UBAP2: variants seen among roughly 807,000 people sequenced by gnomAD.
UBAP2 encodes ubiquitin-associated protein 2.
UBAP2 carries 75 observed loss-of-function variants against 139.6 expected under a neutral mutation model. The observed-to-expected ratio is 0.54, with a 90% CI of 0.45 to 0.65. The LOEUF (loss-of-function observed/expected upper bound fraction) is 0.65. UBAP2 is among the 30% of genes least tolerant of loss of function. UBAP2 has a pLI of 0.00. For synonymous variants in UBAP2, 526 were observed against 526.2 expected (o/e 1.00, Z 0.01); for missense variants, 1,368 against 1,369.6 (o/e 1.00, Z 0.02).
chr9:33,969,060 T>C (rs1301953748), intron 8 of UBAP2, among the ~76,000 whole-genome samples: 1 of 152,050 alleles, frequency 6.6e-6, no homozygotes, highest in Non-Finnish European at 1.5e-5. Flanking sequence ...ATATTTTGCT[T>C]ATACATTCAT....
rs142986969 is a variant in UBAP2, at chr9:34,017,117, C to T, written c.32G>A (p.Arg11Gln). The change falls in exon 2 of 29, where the codon CGA becomes CAA. Residue 11 changes from arginine (R) to glutamine (Q), a missense_variant. Arg to Gln is a conservative substitution (Grantham distance 43). Coordinates refer to ENST00000379238, the MANE Select transcript of UBAP2 (RefSeq NM_001370062.2). Reference protein sequence around the residue: MMTSVSSDHCRGAREKPQISA... With the variant: MMTSVSSDHCQGAREKPQISA... The stretch of plus-strand genomic sequence containing the variant: ...AATCTGTGGTTTTTCCCGAGCACCT[C>T]GACAATGGTCACTGCTCACTGAAGT... 3.5e-4 allele frequency: 560 copies of T among 1,610,628 alleles called. 5 individuals carry two copies. In the East Asian group the frequency reaches 0.012, roughly 35 times the overall value.
intron 12 of UBAP2, among the ~76,000 whole-genome samples, chr9:33,949,765 T>A (rs1335920096): frequency 6.6e-6 from 1 of 152,188 alleles, no homozygotes; most frequent in Non-Finnish European, 1.5e-5. Context: ...GTCAAAGAAC[T>A]GAACTTCAGT....
intron 2 of UBAP2, 33 bp downstream of exon 2, chr9:34,017,017 G>GAAAA: frequency 1.0e-5 from 13 of 1,255,206 alleles, no homozygotes; most frequent in Admixed American, 5.1e-5. Context: ...GAAAAAAAAG[G>GAAAA]AAAAAAAAAA....
chr9:33,968,987 T>A (rs1224956409), intron 8 of UBAP2, among the ~76,000 whole-genome samples: 1 of 152,256 alleles, frequency 6.6e-6, no homozygotes, highest in Non-Finnish European at 1.5e-5. Flanking sequence ...GGTTCATCCA[T>A]GTTGTAGCAT....
chr9:34,038,483 C>A (rs1235042901), intron 1 of UBAP2, among the ~76,000 whole-genome samples: 1 of 152,152 alleles, frequency 6.6e-6, no homozygotes, highest in Admixed American at 6.5e-5. Context: ...CGGGGTTTCG[C>A]TGTGTTGGCC....
At chr9:33,975,005 G>A (rs1290931529) in intron 6 of UBAP2, among the ~76,000 whole-genome samples, 1 of 151,932 alleles carries the variant, frequency 6.6e-6, no homozygotes, top group Non-Finnish European at 1.5e-5. Context: ...ATATACAAAT[G>A]ACCAATAAAC....
chr9:33,996,570 G>A, intron 3 of UBAP2: 1 of 450,684 alleles, frequency 2.2e-6, no homozygotes, highest in Non-Finnish European at 4.0e-6. Context: ...AGTTGACCAA[G>A]GAGCAGATCA....
intron 1 of UBAP2, among the ~76,000 whole-genome samples, chr9:34,043,863 C>A (rs997664812): frequency 6.6e-6 from 1 of 151,492 alleles, no homozygotes; most frequent in Non-Finnish European, 1.5e-5. Flanking sequence ...CACAGTGGTC[C>A]ACAACTGTAA....
At chr9:33,932,873 T>G (rs558721944) in intron 18 of UBAP2, among the ~76,000 whole-genome samples, 1 of 152,154 alleles carries the variant, frequency 6.6e-6, no homozygotes, top group Non-Finnish European at 1.5e-5. Flanking sequence ...CATTTGCTCC[T>G]CAGATGCGAA....
rs1261055876 is a variant in UBAP2 at position 33,998,784 on chromosome 9, T to C, written c.177+3A>G. ...ATGATGATATCCTTTGCCAGAAACA[T>C]ACCTGCTTAACTTTAGCTTCAAAAT... On this transcript the variant is annotated splice_donor_region_variant and intron_variant, in intron 3 of 28. Transcript: ENST00000379238. 6.2e-7 allele frequency: 1 copy of C among 1,610,618 alleles called. No individual in the cohort carries two copies. Among genetic ancestry groups the C allele is most frequent in the Non-Finnish European group, 8.5e-7 (1 of 1,178,730 alleles).
At chr9:33,938,287 C>T (rs981681321) in intron 16 of UBAP2, among the ~76,000 whole-genome samples, 3 of 151,980 alleles carry the variant, frequency 2.0e-5, no homozygotes, top group African/African-American at 7.2e-5. Flanking sequence ...CACCACCACG[C>T]CCAGCCACTT....
rs188469195 is a variant in UBAP2 at position 33,937,477 on chromosome 9, C to G, written c.1930-1599G>C. 2.0e-5 allele frequency among the ~76,000 whole-genome samples: 3 copies of G among 151,028 alleles called. No homozygotes were observed. In the East Asian group the frequency reaches 5.9e-4, roughly 30 times the overall value. ...CAAAAATTAGCTAGGTGGGGTGACA[C>G]ACACCTGTAGTTCTAGCTAGTCGGG... is the stretch of plus-strand genomic sequence containing the variant. On this transcript the variant is annotated intron_variant, in intron 16 of 28. Coordinates refer to ENST00000379238, the MANE Select transcript of UBAP2 (RefSeq NM_001370062.2).
chr9:34,035,334 C>T (rs1422945939), intron 1 of UBAP2, among the ~76,000 whole-genome samples: 2 of 150,946 alleles, frequency 1.3e-5, no homozygotes, highest in Non-Finnish European at 3.0e-5. Flanking sequence ...GGAACCCCAT[C>T]TCTACAAAAG....
intron 11 of UBAP2, among the ~76,000 whole-genome samples, chr9:33,954,182 C>T (rs903877377): frequency 7.9e-5 from 12 of 151,744 alleles, no homozygotes; most frequent in Non-Finnish European, 1.3e-4. Flanking sequence ...GCTGGAATTA[C>T]AGGCGTGAGC....
chr9:34,008,961 CAAAAAAA>C (rs773189067), intron 2 of UBAP2, among the ~76,000 whole-genome samples: 10 of 65,718 alleles, frequency 1.5e-4, no homozygotes, highest in Admixed American at 2.3e-4. Context: ...GAGACTGTCT[CAAAAAAA>C]AAAAAAAAAA....
intron 5 of UBAP2, among the ~76,000 whole-genome samples, chr9:33,987,890 C>G (rs1005640876): frequency 5.3e-5 from 8 of 152,196 alleles, no homozygotes; most frequent in African/African-American, 1.9e-4. Context: ...TTGGGTTTTT[C>G]TAGGATACTA....
intron 1 of UBAP2, among the ~76,000 whole-genome samples, chr9:34,027,550 T>C (rs1587683787): frequency 1.4e-5 from 2 of 146,968 alleles, no homozygotes; most frequent in African/African-American, 5.0e-5. Context: ...AGACCCCATT[T>C]CTATTATTTA....
At chr9:33,992,337 C>T (rs372764996) in intron 4 of UBAP2, among the ~76,000 whole-genome samples, 2 of 133,200 alleles carry the variant, frequency 1.5e-5, no homozygotes, top group African/African-American at 5.8e-5. Context: ...TGTGGTGAGC[C>T]GAGATCACGC....
intron 10 of UBAP2, among the ~76,000 whole-genome samples, chr9:33,957,409 T>C (rs1388371057): frequency 9.2e-5 from 14 of 152,156 alleles, no homozygotes; most frequent in Non-Finnish European, 1.6e-4. Flanking sequence ...AATCACTCAA[T>C]CCCACAACTT....
Sources: gnomAD v4.1 joint callset for allele counts (sites outside exome capture counted in the v4.1 genomes callset) on GRCh38, gnomAD v4.1.1 for gene constraint, MANE v1.5 for transcripts, NCBI Gene and HGNC (gene_info 2026-07-23, HGNC 2026-07-21) for gene names.